ST6GALNAC5: variants seen among roughly 807,000 people sequenced by gnomAD.
ST6GALNAC5 encodes the protein ST6 N-acetylgalactosaminide alpha-2,6-sialyltransferase 5, also known as alpha-N-acetylgalactosaminide alpha-2,6-sialyltransferase 5.
Under a neutral mutation model 33.6 loss-of-function variants are expected in ST6GALNAC5, and 27 were observed. The observed-to-expected ratio is 0.80, with a 90% CI of 0.59 to 1.11. The LOEUF (loss-of-function observed/expected upper bound fraction) is 1.11. ST6GALNAC5 is among the 50% of genes least tolerant of loss of function. The pLI is 0.00. For synonymous variants in ST6GALNAC5, 194 were observed against 171.2 expected (o/e 1.13, Z -1.04); for missense variants, 428 against 454.0 (o/e 0.94, Z 0.52).
intron 2 of ST6GALNAC5, among the ~76,000 whole-genome samples, chr1:76,907,554 C>T (rs992989494): frequency 1.3e-5 from 2 of 152,182 alleles, no homozygotes; most frequent in African/African-American, 2.4e-5. Flanking sequence ...CCCTGCTCCA[C>T]AGTTTCTTGC....
chr1:76,900,765 TTTC>T (rs1169532691), intron 2 of ST6GALNAC5, among the ~76,000 whole-genome samples: 6 of 152,240 alleles, frequency 3.9e-5, no homozygotes, highest in African/African-American at 9.6e-5. Context: ...TTCTTGCATG[TTTC>T]TTATTTCCTC....
At chr1:76,894,263 G>T (rs139795193) in intron 2 of ST6GALNAC5, among the ~76,000 whole-genome samples, 2 of 152,266 alleles carry the variant, frequency 1.3e-5, no homozygotes, top group East Asian at 3.9e-4. Context: ...CTACTTTGGA[G>T]CTGCATGAAT....
At position 76,868,674 on chromosome 1, in the gene ST6GALNAC5, C is replaced by A; in HGVS notation, c.193C>A (p.Gln65Lys). The A allele has an allele frequency of 6.4e-7, 1 of 1,568,056 alleles. No homozygotes were observed. Among genetic ancestry groups the A allele is most frequent in the African/African-American group, 1.4e-5 (1 of 73,704 alleles). ...GCAGCCGGCGGCGGAGAGCAGCACC[C>A]AGCAGCGCCCCGGGGTCCCCGCGGG... ...SSQPAAESST[Q>K]QRPGVPAGPR... Residue 65 changes from glutamine to lysine, a missense_variant, in exon 2 of 5, where the codon CAG becomes AAG. Physicochemically the swap from Gln to Lys is moderately conservative, Grantham distance 53. Transcript: ENST00000477717. The surrounding 1 kb of genome is among the most constrained non-coding windows in gnomAD (Gnocchi z 4.3).
At chr1:76,940,452 C>T (rs940325779) in intron 2 of ST6GALNAC5, among the ~76,000 whole-genome samples, 1 of 152,068 alleles carries the variant, frequency 6.6e-6, no homozygotes, top group Admixed American at 6.6e-5. Flanking sequence ...AGCTGATGCA[C>T]ACATGCAGAC....
chr1:77,000,553 T>C (rs1650109065), intron 2 of ST6GALNAC5, among the ~76,000 whole-genome samples: 1 of 145,124 alleles, frequency 6.9e-6, no homozygotes, highest in South Asian at 2.4e-4. Flanking sequence ...GTTTTGGACA[T>C]GAAGTCCTTG....
At chr1:76,949,941 A>T (rs942841060) in intron 2 of ST6GALNAC5, among the ~76,000 whole-genome samples, 1 of 152,146 alleles carries the variant, frequency 6.6e-6, no homozygotes, top group Non-Finnish European at 1.5e-5. Context: ...ATTGCTGAGG[A>T]AGTCTGTGGG....
At chr1:76,970,163 G>C (rs1648686632) in intron 2 of ST6GALNAC5, among the ~76,000 whole-genome samples, 1 of 152,030 alleles carries the variant, frequency 6.6e-6, no homozygotes, top group South Asian at 2.1e-4. Flanking sequence ...AAGGATTGCA[G>C]CCCCTCGCCA....
At chr1:76,937,856 T>C (rs1477485075) in intron 2 of ST6GALNAC5, among the ~76,000 whole-genome samples, 1 of 152,090 alleles carries the variant, frequency 6.6e-6, no homozygotes, top group African/African-American at 2.4e-5. Flanking sequence ...GCCTTATGAC[T>C]AGGGTATCAA....
intron 2 of ST6GALNAC5, among the ~76,000 whole-genome samples, chr1:76,973,052 G>A (rs1217487223): frequency 6.6e-6 from 1 of 151,930 alleles, no homozygotes; most frequent in Non-Finnish European, 1.5e-5. Flanking sequence ...CTGAACAAAT[G>A]TTTTTCCTAG....
intron 2 of ST6GALNAC5, among the ~76,000 whole-genome samples, chr1:76,917,236 A>C (rs1326958774): frequency 1.3e-5 from 2 of 152,204 alleles, no homozygotes; most frequent in Admixed American, 1.3e-4. Context: ...TTAACCTAGA[A>C]TGAGCACTAC....
At chr1:76,967,532 C>T (rs2100359630) in intron 2 of ST6GALNAC5, among the ~76,000 whole-genome samples, 1 of 152,272 alleles carries the variant, frequency 6.6e-6, no homozygotes. Flanking sequence ...TTCAAAAAAT[C>T]AGCTCCTGAA....
chr1:77,024,217 T>C (rs1651153069), intron 2 of ST6GALNAC5, among the ~76,000 whole-genome samples: 1 of 152,224 alleles, frequency 6.6e-6, no homozygotes, highest in Admixed American at 6.5e-5. Flanking sequence ...TAGCATTGGC[T>C]GCAGTTGTAA....
At chr1:76,985,575 G>T (rs536064764) in intron 2 of ST6GALNAC5, among the ~76,000 whole-genome samples, 4 of 152,084 alleles carry the variant, frequency 2.6e-5, no homozygotes, top group Non-Finnish European at 5.9e-5. Context: ...CATGAAAATG[G>T]CCACACTGCC....
chr1:76,897,154 T>C (rs191104498), intron 2 of ST6GALNAC5, among the ~76,000 whole-genome samples: 2,801 of 152,202 alleles, frequency 0.018, 91 homozygotes, highest in African/African-American at 0.063. Flanking sequence ...CAGTACAGCC[T>C]AGGTAATTTG....
intron 4 of ST6GALNAC5, among the ~76,000 whole-genome samples, chr1:77,054,921 A>G (rs1279702177): frequency 6.6e-6 from 1 of 152,164 alleles, no homozygotes; most frequent in East Asian, 1.9e-4. Flanking sequence ...GGGCATATAA[A>G]TGGCCATGGT....
At chr1:76,958,326 A>G (rs891236275) in intron 2 of ST6GALNAC5, among the ~76,000 whole-genome samples, 1 of 152,156 alleles carries the variant, frequency 6.6e-6, no homozygotes, top group African/African-American at 2.4e-5. Flanking sequence ...GCTTTTTTGT[A>G]CACATTTAAC....
At chr1:77,014,923 G>C (rs941117478) in intron 2 of ST6GALNAC5, among the ~76,000 whole-genome samples, 1 of 152,160 alleles carries the variant, frequency 6.6e-6, no homozygotes, top group Non-Finnish European at 1.5e-5. Flanking sequence ...TTAGAAATTT[G>C]AATGACTTCC....
intron 2 of ST6GALNAC5, among the ~76,000 whole-genome samples, chr1:76,886,053 C>A (rs78668253): frequency 7.9e-5 from 12 of 152,162 alleles, no homozygotes; most frequent in Non-Finnish European, 1.6e-4. Context: ...TTTATTTTCC[C>A]GGCTTCTGCT....
chr1:77,006,842 C>G (rs935383955), intron 2 of ST6GALNAC5, among the ~76,000 whole-genome samples: 1 of 152,110 alleles, frequency 6.6e-6, no homozygotes, highest in African/African-American at 2.4e-5. Flanking sequence ...TTTCTGTGGT[C>G]ATTTGGCTGG....
Sources: allele counts gnomAD v4.1 joint callset (sites outside exome capture counted in the v4.1 genomes callset), GRCh38; gene constraint gnomAD v4.1.1; non-coding constraint Gnocchi (gnomAD v3.1); transcripts MANE v1.5; gene names NCBI Gene and HGNC (gene_info 2026-07-23, HGNC 2026-07-21).